TBC1D22A: variants seen among roughly 807,000 people sequenced by gnomAD.
The protein encoded by TBC1D22A is putative GTPase activator.
Under a neutral mutation model 60.2 loss-of-function variants are expected in TBC1D22A, and 38 were observed. The observed-to-expected ratio is 0.63, with a 90% confidence interval of 0.49 to 0.83. The LOEUF (loss-of-function observed/expected upper bound fraction) is 0.83, where lower values mean the gene tolerates loss of function less well. Among genes scored for constraint, TBC1D22A ranks in the 40% least tolerant of loss-of-function variants. TBC1D22A has a pLI of 0.00. For synonymous variants in TBC1D22A, 302 were observed against 281.7 expected (o/e 1.07, Z -0.72); for missense variants, 628 against 701.0 (o/e 0.90, Z 1.18).
At chr22:47,090,017 C>T (rs1434344427) in intron 11 of TBC1D22A, among the ~76,000 whole-genome samples, 2 of 152,162 alleles carry the variant, frequency 1.3e-5, no homozygotes, top group Non-Finnish European at 2.9e-5. Context: ...CATTCGCTCA[C>T]CCTCTGGATG....
chr22:47,024,555 G>T (rs773717849), intron 10 of TBC1D22A, among the ~76,000 whole-genome samples: 11 of 152,128 alleles, frequency 7.2e-5, no homozygotes, highest in Non-Finnish European at 1.3e-4. Flanking sequence ...GTACTAGGCT[G>T]AATATAGTTT....
chr22:46,793,797 G>A lies in TBC1D22A; in HGVS notation c.416G>A (p.Arg139Gln), dbSNP rs535972526. The change falls in exon 3 of 13, where the codon CGG becomes CAG. Residue 139 changes from arginine to glutamine, a missense_variant. Transcript: ENST00000337137. ...EPPSPPSGDL[R>Q]LVKSVSESHT... is the part of the protein sequence containing the mutation. Reference sequence around the variant, plus strand: ...CCCTCACCCCCCAGCGGCGACCTCCGGCTGGTGAAGTCGGTCAGTGAGAGC... The same window carrying A: ...CCCTCACCCCCCAGCGGCGACCTCCAGCTGGTGAAGTCGGTCAGTGAGAGC... The A allele has an allele frequency of 1.1e-5, 17 of 1,597,390 alleles. No individual in the cohort carries two copies. The highest frequency in any genetic ancestry group is 1.7e-4 in the Middle Eastern group (1 of 5,986).
chr22:46,934,086 A>T lies in TBC1D22A; in HGVS notation c.1015+21898A>T, dbSNP rs144439410. 1.6e-3 allele frequency among the ~76,000 whole-genome samples: 249 copies of T among 152,370 alleles called. 2 individuals carry two copies. The highest frequency in any genetic ancestry group is 5.6e-3 in the African/African-American group (234 of 41,578). On this transcript the variant is annotated intron_variant, in intron 8 of 12. Coordinates refer to ENST00000337137, the MANE Select transcript of TBC1D22A (RefSeq NM_014346.5). ...TTCTCGAAAGGAAAAACAAAATGGC[A>T]CAGGCAAGGCTTTTTGACCCAGTGA... is the stretch of plus-strand genomic sequence containing the variant.
chr22:46,904,887 G>A (rs890359165), intron 7 of TBC1D22A, among the ~76,000 whole-genome samples: 3 of 151,388 alleles, frequency 2.0e-5, no homozygotes, highest in African/African-American at 7.3e-5. Context: ...CCATTCTTCT[G>A]CCTCAGCCTC....
rs768514224 is a variant in TBC1D22A, at chr22:47,174,013, G to A, written c.*387G>A. 18 of 202,290 alleles carry A rather than the reference G, an allele frequency of 8.9e-5. No individual in the cohort carries two copies. The highest frequency in any genetic ancestry group is 1.8e-4 in the Non-Finnish European group (18 of 98,272). The allele number at this position is 202,290 out of a possible 1,614,324, so 12.5% of individuals were successfully genotyped here. A position where few individuals can be genotyped will look rare whatever the true frequency, so the allele number is the denominator to read the frequency against. The stretch of plus-strand genomic sequence containing the variant: ...GGTGCCAGGGCCGGAACGAGGTAGT[G>A]GCCATCTCATACCTACTCTGAAATG... On this transcript the variant is annotated 3_prime_UTR_variant, in exon 13 of 13. Transcript: ENST00000337137.
intron 11 of TBC1D22A, among the ~76,000 whole-genome samples, chr22:47,047,649 A>G (rs1238744681): frequency 3.9e-5 from 6 of 152,228 alleles, no homozygotes; most frequent in Non-Finnish European, 8.8e-5. Context: ...ATGGTGACCA[A>G]GAGGTCAGGC....
chr22:47,128,013 C>G (rs1265148300), intron 12 of TBC1D22A, among the ~76,000 whole-genome samples: 26 of 93,448 alleles, frequency 2.8e-4, no homozygotes, highest in Non-Finnish European at 5.1e-4. Context: ...CACCCATCCC[C>G]CCATCCTCCC....
At chr22:46,803,526 G>A (rs1310022345) in intron 4 of TBC1D22A, among the ~76,000 whole-genome samples, 5 of 152,222 alleles carry the variant, frequency 3.3e-5, no homozygotes, top group African/African-American at 7.2e-5. Flanking sequence ...AGCGTTCAGC[G>A]TCGCCCTCTA....
chr22:47,015,001 C>A (rs940924593), intron 10 of TBC1D22A, among the ~76,000 whole-genome samples: 1 of 152,250 alleles, frequency 6.6e-6, no homozygotes, highest in Non-Finnish European at 1.5e-5. Context: ...TGTGCACACA[C>A]CTGCACAGAG....
At chr22:46,941,892 A>G in intron 8 of TBC1D22A, among the ~76,000 whole-genome samples, 1 of 145,554 alleles carries the variant, frequency 6.9e-6, no homozygotes, top group African/African-American at 2.5e-5. Flanking sequence ...TGTATAGAAT[A>G]TATGTATATA....
chr22:47,132,625 T>C (rs1396943556), intron 12 of TBC1D22A, among the ~76,000 whole-genome samples: 1 of 152,190 alleles, frequency 6.6e-6, no homozygotes, highest in African/African-American at 2.4e-5. Context: ...CGAGTGGCCT[T>C]TCTTCCTCTT....
intron 12 of TBC1D22A, among the ~76,000 whole-genome samples, chr22:47,152,897 T>C (rs2067562398): frequency 6.6e-6 from 1 of 151,970 alleles, no homozygotes. Flanking sequence ...CTGAGAGCGT[T>C]AGCTGTGGGA....
intron 11 of TBC1D22A, among the ~76,000 whole-genome samples, chr22:47,103,481 C>T (rs2065499828): frequency 6.6e-6 from 1 of 152,144 alleles, no homozygotes; most frequent in Admixed American, 6.5e-5. Context: ...ATACCAGATG[C>T]AGGGTGGGTA....
At chr22:46,793,403 C>A in intron 2 of TBC1D22A, 98 bp from the exon 3 acceptor site, 1 of 1,173,172 alleles carries the variant, frequency 8.5e-7, no homozygotes, top group Non-Finnish European at 1.2e-6. Context: ...CAAAGCTGAA[C>A]ACTTCTATGC....
intron 11 of TBC1D22A, among the ~76,000 whole-genome samples, chr22:47,091,169 G>GTCGTC (rs1303889072): frequency 1.3e-5 from 1 of 77,822 alleles, no homozygotes; most frequent in African/African-American, 5.7e-5. Context: ...GGCACGAGAA[G>GTCGTC]TTGGTGGGGA....
intron 10 of TBC1D22A, among the ~76,000 whole-genome samples, chr22:47,021,511 C>T (rs984064838): frequency 6.0e-5 from 9 of 149,712 alleles, no homozygotes; most frequent in African/African-American, 2.2e-4. Flanking sequence ...GTCACCTGAG[C>T]AGGGAACCTA....
chr22:47,016,398 G>A (rs2061913208), intron 10 of TBC1D22A, among the ~76,000 whole-genome samples: 1 of 152,276 alleles, frequency 6.6e-6, no homozygotes, highest in East Asian at 1.9e-4. Flanking sequence ...CCTCCCCCAA[G>A]GAACCCTCAT....
chr22:46,815,905 G>A (rs1309879224), intron 4 of TBC1D22A, among the ~76,000 whole-genome samples: 3 of 152,134 alleles, frequency 2.0e-5, no homozygotes, highest in African/African-American at 7.2e-5. Context: ...GGGGGTGAGT[G>A]GAGATAATCG....
At chr22:47,090,572 G>C (rs1313039777) in intron 11 of TBC1D22A, among the ~76,000 whole-genome samples, 2 of 152,252 alleles carry the variant, frequency 1.3e-5, no homozygotes, top group Non-Finnish European at 2.9e-5. Flanking sequence ...TCTCCTGGGG[G>C]TGTCCGGTGG....
Sources: gnomAD v4.1 joint callset for allele counts (sites outside exome capture counted in the v4.1 genomes callset) on GRCh38, gnomAD v4.1.1 for gene constraint, MANE v1.5 for transcripts, NCBI Gene and HGNC (gene_info 2026-07-23, HGNC 2026-07-21) for gene names.